Variants in TSHZ1 observed in about 807,000 individuals in gnomAD.
TSHZ1 encodes teashirt homolog 1.
In TSHZ1, 12 loss-of-function variants were observed where a neutral mutation model predicts 67.1. The ratio of observed to expected loss-of-function variants is 0.18; its 90% CI spans 0.11 to 0.29. The LOEUF (loss-of-function observed/expected upper bound fraction) is 0.29, where lower values mean the gene tolerates loss of function less well. Ranked by LOEUF, TSHZ1 falls within the 10% of genes least tolerant of loss-of-function variation. TSHZ1 has a pLI of 1.00. For synonymous variants in TSHZ1, 632 were observed against 622.4 expected, an observed-to-expected ratio of 1.02 and a Z score of -0.23; for missense variants, 1,305 against 1,413.9, an observed-to-expected ratio of 0.92 and a Z score of 1.23.
chr18:75,229,824 A>G (rs2022974393), intron 1 of TSHZ1, among the ~76,000 whole-genome samples: 2 of 152,298 alleles, frequency 1.3e-5, no homozygotes, highest in Non-Finnish European at 2.9e-5. Flanking sequence ...AACAAACAAA[A>G]CCCAGTGTAA....
In TSHZ1 at chr18:75,285,566, C is replaced by A. The variant is rs2122619577; in HGVS notation, c.159C>A (p.Ile53=). 1 of 1,594,070 alleles carries A rather than the reference C, an allele frequency of 6.3e-7. No homozygotes were observed. Among genetic ancestry groups the A allele is most frequent in the African/African-American group, 1.3e-5 (1 of 74,550 alleles). The change falls in exon 2 of 2, where the codon ATC becomes ATA. Residue 53 remains isoleucine, a synonymous_variant. Transcript: ENST00000580243. Reference sequence around the variant, plus strand: ...ACATGTGCAATGAAGAGACGGAGATCAAAGAGGCGCAGAGCTACCAGAACT... The same window carrying A: ...ACATGTGCAATGAAGAGACGGAGATAAAAGAGGCGCAGAGCTACCAGAACT... ...SEYMCNEETE[I]KEAQSYQNSP... is the part of the protein sequence containing the mutation.
intron 1 of TSHZ1, among the ~76,000 whole-genome samples, chr18:75,245,553 G>T (rs2023211579): frequency 6.6e-6 from 1 of 152,194 alleles, no homozygotes; most frequent in Non-Finnish European, 1.5e-5. Flanking sequence ...ACCAGACGTG[G>T]GCTGTCTCCT....
Position 75,250,608 on chromosome 18 carries a change from G to C in TSHZ1, c.41-34840G>C, listed in dbSNP as rs370609090. Among the ~76,000 whole-genome samples the C allele has an allele frequency of 6.6e-5, 10 of 152,358 alleles. No homozygotes were observed. The East Asian group carries it at 1.9e-3, about 29-fold the overall frequency. On this transcript the variant is annotated intron_variant, in intron 1 of 1. Transcript: ENST00000580243. ...AGTGCCCATGGCAGCACCTGCATGA[G>C]GTCCCCGCTTCCTGGAAACTGAGCC...
intron 1 of TSHZ1, among the ~76,000 whole-genome samples, chr18:75,250,370 T>G (rs992340347): frequency 6.6e-5 from 10 of 152,120 alleles, no homozygotes; most frequent in African/African-American, 2.4e-4. Context: ...TCCCCAGTGT[T>G]TTCTAGAAGC....
intron 1 of TSHZ1, among the ~76,000 whole-genome samples, chr18:75,273,284 T>C (rs760363448): frequency 6.6e-5 from 10 of 152,212 alleles, no homozygotes; most frequent in Non-Finnish European, 8.8e-5. Context: ...AAAACACCTT[T>C]ATTTTGTGCA....
intron 1 of TSHZ1, among the ~76,000 whole-genome samples, chr18:75,254,699 T>C (rs2023342892): frequency 6.6e-6 from 1 of 152,120 alleles, no homozygotes; most frequent in South Asian, 2.1e-4. Context: ...AAATAATAAA[T>C]AATATGAAAA....
chr18:75,216,183 T>C (rs1293899651), intron 1 of TSHZ1, among the ~76,000 whole-genome samples: 1 of 152,238 alleles, frequency 6.6e-6, no homozygotes, highest in African/African-American at 2.4e-5. Flanking sequence ...TTTTTTTAAT[T>C]GTAGGCATGT....
At chr18:75,279,476 G>A (rs1283805971) in intron 1 of TSHZ1, among the ~76,000 whole-genome samples, 4 of 152,150 alleles carry the variant, frequency 2.6e-5, no homozygotes, top group African/African-American at 9.7e-5. Context: ...TGGGTGAGCC[G>A]CCGGCCCTCC....
At chr18:75,227,797 G>A (rs1284280718) in intron 1 of TSHZ1, among the ~76,000 whole-genome samples, 2 of 152,190 alleles carry the variant, frequency 1.3e-5, no homozygotes, top group Non-Finnish European at 2.9e-5. Flanking sequence ...CTCAGGAGTG[G>A]CTGTTTCCTA....
intron 1 of TSHZ1, among the ~76,000 whole-genome samples, chr18:75,237,713 T>A (rs1007960173): frequency 6.6e-6 from 1 of 152,192 alleles, no homozygotes; most frequent in Non-Finnish European, 1.5e-5. Flanking sequence ...GGGTGAGAGA[T>A]GTTTTTGGAA....
intron 1 of TSHZ1, among the ~76,000 whole-genome samples, chr18:75,278,957 C>T (rs766444583): frequency 1.3e-5 from 2 of 152,238 alleles, no homozygotes; most frequent in South Asian, 2.1e-4. Context: ...TCTGTGGGGT[C>T]GTTGAGTCCC....
chr18:75,213,083 C>G (rs535471340), intron 1 of TSHZ1, among the ~76,000 whole-genome samples: 8 of 152,298 alleles, frequency 5.3e-5, no homozygotes, highest in Admixed American at 3.9e-4. Flanking sequence ...GTATCACATT[C>G]AGTAATGTGC....
At chr18:75,224,595 G>T (rs1004777111) in intron 1 of TSHZ1, among the ~76,000 whole-genome samples, 1 of 152,014 alleles carries the variant, frequency 6.6e-6, no homozygotes, top group South Asian at 2.1e-4. Context: ...CCCCCTCCCC[G>T]CAATACTCTT....
intron 1 of TSHZ1, among the ~76,000 whole-genome samples, chr18:75,223,014 C>T (rs934721931): frequency 6.6e-6 from 1 of 152,188 alleles, no homozygotes; most frequent in African/African-American, 2.4e-5. Context: ...TGTAGAGCAC[C>T]TGCTCGGAGT....
chr18:75,262,200 A>G (rs992098655), intron 1 of TSHZ1, among the ~76,000 whole-genome samples: 12 of 152,334 alleles, frequency 7.9e-5, no homozygotes, highest in East Asian at 3.9e-4. Flanking sequence ...TTTTGCTCCA[A>G]TAGGTTACCA....
intron 1 of TSHZ1, among the ~76,000 whole-genome samples, chr18:75,243,034 C>T (rs2023176409): frequency 6.6e-6 from 1 of 152,090 alleles, no homozygotes; most frequent in Non-Finnish European, 1.5e-5. Context: ...GGGGATGGGG[C>T]CGGTGAGGTC....
chr18:75,244,189 C>T (rs571319537), intron 1 of TSHZ1, among the ~76,000 whole-genome samples: 1 of 152,178 alleles, frequency 6.6e-6, no homozygotes, highest in East Asian at 1.9e-4. Flanking sequence ...TTCCCTTGCA[C>T]CCCAGAAAAT....
Position 75,214,156 on chromosome 18 carries a change from C to T in TSHZ1, c.40+2240C>T, listed in dbSNP as rs149591960. ...ATTGTTTAGCTCTTCCCCCCTCACT[C>T]ATAAAAAGCATTAACGTGGATTCCT... On this transcript the variant is annotated intron_variant, in intron 1 of 1. Transcript: ENST00000580243. Among the ~76,000 whole-genome samples the T allele has an allele frequency of 3.2e-3, 488 of 152,328 alleles. 1 individual carries two copies. Among genetic ancestry groups the T allele is most frequent in the South Asian group, 0.011 (55 of 4,824 alleles).
chr18:75,234,094 C>G (rs1043833537), intron 1 of TSHZ1, among the ~76,000 whole-genome samples: 5 of 152,154 alleles, frequency 3.3e-5, no homozygotes, highest in African/African-American at 9.7e-5. Context: ...CCCCTCTACA[C>G]ACAGAGAGAG....
Sources: allele counts gnomAD v4.1 joint callset (sites outside exome capture counted in the v4.1 genomes callset), GRCh38; gene constraint gnomAD v4.1.1; transcripts MANE v1.5; gene names NCBI Gene and HGNC (gene_info 2026-07-23, HGNC 2026-07-21).